Variants in DLG2 observed in about 807,000 individuals in gnomAD.
DLG2 encodes the protein discs large MAGUK scaffold protein 2.
A neutral mutation model predicts 132.5 loss-of-function variants in DLG2; 45 were observed. That is an observed-to-expected ratio of 0.34 (90% CI 0.27 to 0.44). The LOEUF (loss-of-function observed/expected upper bound fraction) is 0.44. Ranked by LOEUF, DLG2 falls within the 20% of genes least tolerant of loss-of-function variation. The pLI, the probability that DLG2 is intolerant of heterozygous loss-of-function variation, is 1.00. For synonymous variants in DLG2, 424 were observed against 419.6 expected, an observed-to-expected ratio of 1.01 and a Z score of -0.13; for missense variants, 1,045 against 1,196.9, an observed-to-expected ratio of 0.87 and a Z score of 1.87.
At chr11:83,742,880 A>G (rs776247458) in intron 18 of DLG2, among the ~76,000 whole-genome samples, 1 of 152,214 alleles carries the variant, frequency 6.6e-6, no homozygotes, top group Non-Finnish European at 1.5e-5. Flanking sequence ...TAGTTATGGC[A>G]TTAGACACCC....
At chr11:84,912,811 T>G (rs375244832) in intron 6 of DLG2, among the ~76,000 whole-genome samples, 1 of 152,136 alleles carries the variant, frequency 6.6e-6, no homozygotes, top group South Asian at 2.1e-4. Context: ...GGAAAGTGAC[T>G]GAGGCCATCA....
chr11:85,109,951 T>C (rs965709226), intron 6 of DLG2, among the ~76,000 whole-genome samples: 3 of 152,070 alleles, frequency 2.0e-5, no homozygotes, highest in African/African-American at 7.2e-5. Context: ...TGTGAAATAA[T>C]TTATTAAAAC....
chr11:83,761,966 G>T (rs1214106231), intron 18 of DLG2, among the ~76,000 whole-genome samples: 2 of 152,072 alleles, frequency 1.3e-5, no homozygotes, highest in Admixed American at 1.3e-4. Flanking sequence ...CAGATGCTGG[G>T]CAAGTACCAA....
chr11:83,945,973 C>CCTTCCT (rs1338581440), intron 14 of DLG2, among the ~76,000 whole-genome samples: 73 of 142,656 alleles, frequency 5.1e-4, no homozygotes, highest in East Asian at 4.0e-3. Context: ...TTCCTTTTCT[C>CCTTCCT]TTTCTCTTTC....
chr11:85,336,500 G>C (rs559714693), intron 3 of DLG2: 83 of 156,900 alleles, frequency 5.3e-4, no homozygotes, highest in Non-Finnish European at 1.1e-3. Flanking sequence ...CAGCAGCTGA[G>C]GAGGTGGCCA....
intron 7 of DLG2, among the ~76,000 whole-genome samples, chr11:84,501,414 T>C (rs541573887): frequency 6.6e-6 from 1 of 151,824 alleles, no homozygotes; most frequent in South Asian, 2.1e-4. Context: ...AAAATACAAA[T>C]ATTAGCCAGG....
intron 8 of DLG2, among the ~76,000 whole-genome samples, chr11:84,189,121 C>T (rs1215973088): frequency 6.6e-6 from 1 of 152,126 alleles, no homozygotes; most frequent in African/African-American, 2.4e-5. Flanking sequence ...ATGGTTGATG[C>T]TAACGTCTTA....
rs115395436 is a variant in DLG2, at chr11:83,652,314, T to G, written c.1826-18989A>C. 5.6e-3 allele frequency among the ~76,000 whole-genome samples: 860 copies of G among 152,262 alleles called. 11 individuals are homozygous for G. Among genetic ancestry groups the G allele is most frequent in the African/African-American group, 0.02 (815 of 41,552 alleles). ...AACCTTTGAAAGCTAATTATTCACT[T>G]TGAGAGATGATTAAGATGAATAGTC... On this transcript the variant is annotated intron_variant, in intron 18 of 27. Transcript: ENST00000376104.
intron 3 of DLG2, among the ~76,000 whole-genome samples, chr11:85,502,026 C>G (rs2093816204): frequency 6.6e-6 from 1 of 152,138 alleles, no homozygotes; most frequent in Admixed American, 6.6e-5. Flanking sequence ...CCGCAATGTC[C>G]ACCAATGATA....
intron 7 of DLG2, among the ~76,000 whole-genome samples, chr11:84,485,073 T>C (rs1484817407): frequency 2.6e-5 from 4 of 152,104 alleles, no homozygotes; most frequent in East Asian, 3.9e-4. Context: ...AAGTAATTGA[T>C]TGCACAGCTA....
intron 7 of DLG2, among the ~76,000 whole-genome samples, chr11:84,317,810 G>T (rs2098376341): frequency 6.6e-6 from 1 of 152,092 alleles, no homozygotes; most frequent in Non-Finnish European, 1.5e-5. Flanking sequence ...AAATTCATTT[G>T]GAAAAATCAT....
At chr11:84,348,334 T>C (rs1271092047) in intron 7 of DLG2, among the ~76,000 whole-genome samples, 2 of 152,182 alleles carry the variant, frequency 1.3e-5, no homozygotes, top group African/African-American at 2.4e-5. Flanking sequence ...GTCAGGCAGT[T>C]AGGAAATGAT....
chr11:85,588,187 A>G (rs2079087712), intron 3 of DLG2, among the ~76,000 whole-genome samples: 1 of 152,106 alleles, frequency 6.6e-6, no homozygotes, highest in Admixed American at 6.5e-5. Flanking sequence ...CTGGGTAATG[A>G]TCTTTTTGTG....
chr11:84,817,403 A>G (rs1794651867), intron 6 of DLG2, among the ~76,000 whole-genome samples: 1 of 151,906 alleles, frequency 6.6e-6, no homozygotes, highest in African/African-American at 2.4e-5. Flanking sequence ...TAGAGTAAGG[A>G]CTCATATTAT....
chr11:83,836,151 C>A (rs2056107862), intron 16 of DLG2, among the ~76,000 whole-genome samples: 1 of 152,150 alleles, frequency 6.6e-6, no homozygotes, highest in Non-Finnish European at 1.5e-5. Flanking sequence ...AGCAAATTCA[C>A]CCTCTCAATG....
chr11:83,950,485 T>C (rs892489344), intron 14 of DLG2, among the ~76,000 whole-genome samples: 1 of 152,116 alleles, frequency 6.6e-6, no homozygotes, highest in Non-Finnish European at 1.5e-5. Flanking sequence ...TCCTAGCTAC[T>C]TGGGAGGCTG....
intron 8 of DLG2, among the ~76,000 whole-genome samples, chr11:84,234,065 A>G (rs1567013026): frequency 6.6e-6 from 1 of 152,194 alleles, no homozygotes; most frequent in East Asian, 1.9e-4. Flanking sequence ...TTGGGCTGGT[A>G]AGGGAAGAAT....
chr11:85,013,307 C>T (rs1566647285), intron 6 of DLG2, among the ~76,000 whole-genome samples: 1 of 152,064 alleles, frequency 6.6e-6, no homozygotes, highest in Non-Finnish European at 1.5e-5. Context: ...TGTCTGACTC[C>T]CTCTTTCCTG....
At chr11:84,548,703 C>G (rs1195658979) in intron 6 of DLG2, among the ~76,000 whole-genome samples, 1 of 152,010 alleles carries the variant, frequency 6.6e-6, no homozygotes, top group African/African-American at 2.4e-5. Context: ...GGGTTGGTTC[C>G]AAGTCTTTGC....
Sources: gnomAD v4.1 joint callset for allele counts (sites outside exome capture counted in the v4.1 genomes callset) on GRCh38, gnomAD v4.1.1 for gene constraint, MANE v1.5 for transcripts, NCBI Gene and HGNC (gene_info 2026-07-23, HGNC 2026-07-21) for gene names.